The following DENR variants were observed in gnomAD, a reference collection of about 807,000 sequenced individuals.
The protein encoded by DENR is density-regulated protein.
Under a neutral mutation model 30.6 loss-of-function variants are expected in DENR, and 6 were observed. The observed-to-expected ratio is 0.20, with a 90% CI of 0.11 to 0.39. The LOEUF (loss-of-function observed/expected upper bound fraction) is 0.39. Ranked by LOEUF, DENR falls within the 10% of genes least tolerant of loss-of-function variation. DENR has a pLI of 1.00. For synonymous variants in DENR, 78 were observed against 72.1 expected (o/e 1.08, Z -0.41); for missense variants, 141 against 230.9 (o/e 0.61, Z 2.52).
At chr12:122,753,958 A>G in intron 2 of DENR, 151 bp downstream of exon 2, 1 of 678,606 alleles carries the variant, frequency 1.5e-6, no homozygotes, top group Non-Finnish European at 2.6e-6. Context: ...GGAGGCATGA[A>G]TTAACAGAGT....
rs150720730 is a variant in DENR, at chr12:122,769,494, T to TTCTCTCTC, written c.*430_*437dup. The stretch of plus-strand genomic sequence containing the variant: ...AAATTTTGGTCATTTGGTACTGACT[T>TTCTCTCTC]TCTCTCTCTCTCTCTCTCTCTTTTT... On this transcript the variant is annotated 3_prime_UTR_variant, in exon 8 of 8. Coordinates refer to ENST00000280557, the MANE Select transcript of DENR (RefSeq NM_003677.5). 11 of 894,676 alleles carry TTCTCTCTC rather than the reference T, an allele frequency of 1.2e-5. No homozygotes were observed. The highest frequency in any genetic ancestry group is 9.6e-5 in the African/African-American group (5 of 51,922). The allele number at this position is 894,676 out of a possible 1,614,324, so 55.4% of individuals were successfully genotyped here. A position where few individuals can be genotyped will look rare whatever the true frequency, so the allele number is the denominator to read the frequency against.
At chr12:122,765,508 T>C in intron 5 of DENR, 121 bp downstream of exon 5, 4 of 808,174 alleles carry the variant, frequency 4.9e-6, no homozygotes, top group Non-Finnish European at 7.8e-6. Context: ...TCACAGCTTC[T>C]TAGGGGGCTG....
intron 2 of DENR, among the ~76,000 whole-genome samples, chr12:122,758,993 C>T (rs1449974803): frequency 1.3e-5 from 2 of 151,720 alleles, no homozygotes; most frequent in Non-Finnish European, 2.9e-5. Flanking sequence ...TACAGGTGTG[C>T]GCCACCACAC....
chr12:122,767,033 C>A lies in DENR; in HGVS notation c.296-455C>A, dbSNP rs1025392145. Among the ~76,000 whole-genome samples, 3 of 152,270 alleles carry A rather than the reference C, an allele frequency of 2.0e-5. No individual in the cohort carries two copies. The East Asian group carries it at 5.8e-4, about 29-fold the overall frequency. On this transcript the variant is annotated intron_variant, in intron 5 of 7. Transcript: ENST00000280557. ...TACTTGTTCCCTTTCCCTGGAATGT[C>A]CTTTCTTATGCCTCTCCAGCCTTTT...
At position 122,770,317 on chromosome 12, in the gene DENR, T is replaced by A. The variant is rs1566062120; in HGVS notation, c.*1239T>A. ...AAAGAAGTGATGGTGCATTGTGTGG[T>A]AGAATATTATGCATATGTTTAAAGA... On this transcript the variant is annotated 3_prime_UTR_variant, in exon 8 of 8. Coordinates refer to ENST00000280557, the MANE Select transcript of DENR (RefSeq NM_003677.5). The A allele has an allele frequency of 1.9e-5, 5 of 256,550 alleles. No homozygotes were observed. The highest frequency in any genetic ancestry group is 3.6e-5 in the Non-Finnish European group (5 of 137,682). 15.9% of individuals were successfully genotyped at this position (256,550 alleles called of 1,614,324 possible).
chr12:122,766,514 C>T (rs1347923199), intron 5 of DENR, among the ~76,000 whole-genome samples: 1 of 152,184 alleles, frequency 6.6e-6, no homozygotes, highest in Non-Finnish European at 1.5e-5. Flanking sequence ...ATCTGTATAT[C>T]TGGATCTGGC....
chr12:122,767,450 A>G, intron 5 of DENR, 38 bp from the exon 6 acceptor site: 1 of 1,339,332 alleles, frequency 7.5e-7, no homozygotes, highest in Non-Finnish European at 1.0e-6. Flanking sequence ...TCTTATGTCA[A>G]AAACAACTAA....
In DENR at chr12:122,769,344, CTG is replaced by C. The variant is rs1270066568; in HGVS notation, c.*268_*269del. 2 of 980,900 alleles carry C rather than the reference CTG, an allele frequency of 2.0e-6. No individual in the cohort carries two copies. Among genetic ancestry groups the C allele is most frequent in the African/African-American group, 2.1e-5 (1 of 48,602 alleles). The allele number at this position is 980,900 out of a possible 1,614,324, so 60.8% of individuals were successfully genotyped here. ...CATATATATATATTCTACAGTAAAA[CTG>C]TAGACTGTCCTCGTCCTTGGCATTT... On this transcript the variant is annotated 3_prime_UTR_variant, in exon 8 of 8. Transcript: ENST00000280557.
Position 122,769,153 on chromosome 12 carries a change from T to A in DENR, c.*75T>A, listed in dbSNP as rs12301743. 5,846 of 1,004,534 alleles carry A rather than the reference T, an allele frequency of 5.8e-3. 39 individuals are homozygous for A. Among genetic ancestry groups the A allele is most frequent in the East Asian group, 0.03 (653 of 21,970 alleles). The allele number at this position is 1,004,534 out of a possible 1,614,324, so 62.2% of individuals were successfully genotyped here. On this transcript the variant is annotated 3_prime_UTR_variant, in exon 8 of 8. Transcript: ENST00000280557. ...CCAAAGGGAGAGAGGCCTTTTAAAA[T>A]ATATATATATATACACATATATATG...
At chr12:122,762,959 T>C (rs3817095) in intron 4 of DENR, 30 bp downstream of exon 4, 73,376 of 1,283,590 alleles carry the variant, frequency 0.057, 3,209 homozygotes, top group East Asian at 0.27. Flanking sequence ...TGCATTAAAC[T>C]TCTGTACCTG....
chr12:122,768,975 T>C, intron 7 of DENR, 54 bp downstream of exon 7: 1 of 1,607,134 alleles, frequency 6.2e-7, no homozygotes, highest in Non-Finnish European at 8.5e-7. Context: ...AGCAAATTGC[T>C]TCCATTTTTT....
chr12:122,770,876 C>CT lies in DENR; in HGVS notation c.*1799dup. 2.5e-6 allele frequency: 1 copy of CT among 396,188 alleles called. No individual in the cohort carries two copies. The highest frequency in any genetic ancestry group is 3.6e-5 in the East Asian group (1 of 27,924). The allele number at this position is 396,188 out of a possible 1,614,324, so 24.5% of individuals were successfully genotyped here. ...GGTGAAGCAGATTTATCCATCGAGACTATCTGGTATGCGTTATGTATGTAG... is the reference window on the plus strand; with the variant it reads ...GGTGAAGCAGATTTATCCATCGAGACTTATCTGGTATGCGTTATGTATGTAG... On this transcript the variant is annotated 3_prime_UTR_variant, in exon 8 of 8. Coordinates refer to ENST00000280557, the MANE Select transcript of DENR (RefSeq NM_003677.5).
At chr12:122,759,259 T>C (rs1055384368) in intron 2 of DENR, among the ~76,000 whole-genome samples, 2 of 152,332 alleles carry the variant, frequency 1.3e-5, no homozygotes, top group Middle Eastern at 3.4e-3. Context: ...GTTTCACTAT[T>C]AGTGATGCTA....
At chr12:122,763,124 G>T (rs774229917) in intron 4 of DENR, 195 bp downstream of exon 4, 8 of 478,036 alleles carry the variant, frequency 1.7e-5, no homozygotes, top group East Asian at 8.1e-5. Flanking sequence ...TAAATGGGCC[G>T]GGCGCAGTGG....
At chr12:122,755,712 A>G (rs185132259) in intron 2 of DENR, among the ~76,000 whole-genome samples, 20 of 152,356 alleles carry the variant, frequency 1.3e-4, no homozygotes, top group African/African-American at 4.3e-4. Flanking sequence ...TTGGAAACCT[A>G]TGTGAGTAAA....
Position 122,762,219 on chromosome 12 carries a change from A to ATTT in DENR, c.126+22_126+24dup. ...ATTACCAACAGAGGTAAGTTCTTTAATTTTTTTTTTTACCTTATGTATTTG... is the reference window on the plus strand; with the variant it reads ...ATTACCAACAGAGGTAAGTTCTTTAATTTTTTTTTTTTTTACCTTATGTATTTG... On this transcript the variant is annotated intron_variant, in intron 3 of 7. Transcript: ENST00000280557. 1.7e-6 allele frequency: 2 copies of ATTT among 1,176,232 alleles called. No individual in the cohort carries two copies. The highest frequency in any genetic ancestry group is 2.3e-6 in the Non-Finnish European group (2 of 870,752). The allele number at this position is 1,176,232 out of a possible 1,614,324, so 72.9% of individuals were successfully genotyped here.
intron 2 of DENR, among the ~76,000 whole-genome samples, chr12:122,759,422 T>C (rs2135509333): frequency 6.6e-6 from 1 of 152,282 alleles, no homozygotes; most frequent in East Asian, 1.9e-4. Flanking sequence ...CATTAGAATT[T>C]TGCTGAACCG....
At position 122,769,943 on chromosome 12, in the gene DENR, AGTAAT is replaced by A; in HGVS notation, c.*866_*870del. The A allele has an allele frequency of 6.5e-6, 1 of 152,746 alleles. No homozygotes were observed. Among genetic ancestry groups the A allele is most frequent in the Admixed American group, 6.5e-5 (1 of 15,290 alleles). 9.5% of individuals were successfully genotyped at this position (152,746 alleles called of 1,614,324 possible). On this transcript the variant is annotated 3_prime_UTR_variant, in exon 8 of 8. Transcript: ENST00000280557. ...AGAATTTGAATTTGGCTTCCTCACC[AGTAAT>A]ATGTCTCCTTGCTTCTTTGATGTGA...
At chr12:122,753,611 G>T in intron 1 of DENR, 82 bp from the exon 2 acceptor site, 2 of 1,024,772 alleles carry the variant, frequency 2.0e-6, no homozygotes, top group Non-Finnish European at 1.5e-6. Context: ...TTGGGGTGGG[G>T]AGGTTTCTGT....
Sources: gnomAD v4.1 joint callset for allele counts (sites outside exome capture counted in the v4.1 genomes callset) on GRCh38, gnomAD v4.1.1 for gene constraint, MANE v1.5 for transcripts, NCBI Gene and HGNC (gene_info 2026-07-23, HGNC 2026-07-21) for gene names.